Variants in SLC9B1 observed in about 807,000 individuals in gnomAD.
SLC9B1 encodes the protein solute carrier family 9 member B1, also known as sodium/hydrogen exchanger 9B1.
A neutral mutation model predicts 51.7 loss-of-function variants in SLC9B1; 32 were observed. The observed-to-expected ratio is 0.62, with a 90% CI of 0.47 to 0.83. SLC9B1 has a LOEUF of 0.83. Among genes scored for constraint, SLC9B1 ranks in the 40% least tolerant of loss-of-function variants. The probability of loss-of-function intolerance (pLI) is 0.00; values close to 1 mark genes in which losing one functional copy is unlikely to be tolerated. For missense variants in SLC9B1, 406 were observed against 613.2 expected (o/e 0.66, Z 3.57); for synonymous variants, 145 against 212.7 (o/e 0.68, Z 2.77).
intron 1 of SLC9B1, among the ~76,000 whole-genome samples, chr4:103,010,187 GA>G (rs1326689923): frequency 1.3e-5 from 2 of 152,010 alleles, no homozygotes; most frequent in African/African-American, 2.4e-5. Context: ...AATTTATAAT[GA>G]AAAAAATTTC....
chr4:102,885,203 T>C (rs760194746), exon 12 of SLC9B1: 12 of 1,606,014 alleles, frequency 7.5e-6, no homozygotes, highest in Non-Finnish European at 1.0e-5. Flanking sequence ...TTCTGACACA[T>C]CTACATGTTT....
intron 1 of SLC9B1, among the ~76,000 whole-genome samples, chr4:103,002,600 TTAAAAA>T (rs1740584134): frequency 6.6e-6 from 1 of 152,122 alleles, no homozygotes; most frequent in African/African-American, 2.4e-5. Flanking sequence ...TAAGAAAAAC[TTAAAAA>T]TAGAAAATAA....
At chr4:102,972,254 A>G (rs1738804268) in intron 3 of SLC9B1, among the ~76,000 whole-genome samples, 1 of 152,242 alleles carries the variant, frequency 6.6e-6, no homozygotes, top group Admixed American at 6.5e-5. Flanking sequence ...AAATACAGGC[A>G]AACCGAATCC....
At chr4:102,911,810 T>C (rs1735350943) in intron 7 of SLC9B1, among the ~76,000 whole-genome samples, 1 of 151,770 alleles carries the variant, frequency 6.6e-6, no homozygotes, top group African/African-American at 2.4e-5. Flanking sequence ...AAGCACAAGA[T>C]GCTCCCCTTA....
chr4:102,920,470 C>T (rs1054044871), intron 7 of SLC9B1, among the ~76,000 whole-genome samples: 5 of 152,154 alleles, frequency 3.3e-5, no homozygotes, highest in African/African-American at 1.2e-4. Flanking sequence ...AGCAGAAAAG[C>T]TGAAAATTCT....
intron 6 of SLC9B1, among the ~76,000 whole-genome samples, chr4:102,937,435 A>C (rs1578362169): frequency 6.7e-6 from 1 of 148,374 alleles, no homozygotes; most frequent in Non-Finnish European, 1.5e-5. Flanking sequence ...AAAAAAAAAA[A>C]AAAAAACTTG....
chr4:102,887,571 T>G, intron 11 of SLC9B1: 2 of 544,136 alleles, frequency 3.7e-6, no homozygotes, highest in Admixed American at 3.3e-5. Context: ...CTTTGTCTAT[T>G]CAGTCACTTA....
intron 3 of SLC9B1, among the ~76,000 whole-genome samples, chr4:102,987,272 A>G (rs764571440): frequency 1.2e-4 from 19 of 152,108 alleles, no homozygotes; most frequent in Non-Finnish European, 2.6e-4. Flanking sequence ...TTTTCCTTCA[A>G]CTATGTGGAA....
chr4:102,960,770 T>C (rs1738067639), intron 3 of SLC9B1, among the ~76,000 whole-genome samples: 1 of 151,658 alleles, frequency 6.6e-6, no homozygotes. Flanking sequence ...TTTGCTCTTG[T>C]TGCCCAGGCT....
intron 1 of SLC9B1, among the ~76,000 whole-genome samples, chr4:102,997,250 A>G (rs1401990219): frequency 1.3e-5 from 2 of 152,164 alleles, no homozygotes; most frequent in South Asian, 4.1e-4. Context: ...AGTTACATTG[A>G]ATCTATAGAT....
chr4:102,939,320 C>T (rs1231114739), intron 6 of SLC9B1, among the ~76,000 whole-genome samples: 2 of 149,548 alleles, frequency 1.3e-5, no homozygotes, highest in African/African-American at 4.9e-5. Context: ...ATACAACTTC[C>T]CAAGATTGAA....
chr4:102,962,927 T>C (rs1170213675), intron 3 of SLC9B1: 1 of 465,630 alleles, frequency 2.1e-6, no homozygotes, highest in Non-Finnish European at 4.4e-6. Context: ...TGAAATATTT[T>C]TTTACCCAGA....
chr4:102,926,564 A>G (rs1471259056), intron 7 of SLC9B1, among the ~76,000 whole-genome samples: 3 of 152,242 alleles, frequency 2.0e-5, no homozygotes, highest in Admixed American at 6.5e-5. Flanking sequence ...CTCTTCAAGG[A>G]GAACTACAAA....
At chr4:102,956,140 G>A (rs1263169364) in intron 3 of SLC9B1, among the ~76,000 whole-genome samples, 2 of 152,156 alleles carry the variant, frequency 1.3e-5, no homozygotes, top group Non-Finnish European at 2.9e-5. Context: ...CATTGCACAT[G>A]TGCTGTCAAA....
At chr4:102,932,341 A>G (rs1736501103) in intron 6 of SLC9B1, 42 bp from the exon 7 acceptor site, 1 of 1,534,348 alleles carries the variant, frequency 6.5e-7, no homozygotes, top group Non-Finnish European at 8.9e-7. Flanking sequence ...CATCTTTTAA[A>G]TCAAGTAGTG....
At chr4:103,005,957 A>T (rs1230274468) in intron 1 of SLC9B1, among the ~76,000 whole-genome samples, 1 of 152,152 alleles carries the variant, frequency 6.6e-6, no homozygotes, top group Non-Finnish European at 1.5e-5. Context: ...ATGCTAAGAG[A>T]AAAGTTTATA....
intron 3 of SLC9B1, among the ~76,000 whole-genome samples, chr4:102,974,242 GAAA>G (rs141412944): frequency 1.7e-3 from 93 of 53,452 alleles, no homozygotes; most frequent in African/African-American, 6.6e-3. Flanking sequence ...GTCTAAAATT[GAAA>G]AAAAAAAAAA....
chr4:102,886,017 T>C (rs1425008564), intron 11 of SLC9B1, among the ~76,000 whole-genome samples: 1 of 152,190 alleles, frequency 6.6e-6, no homozygotes, highest in Non-Finnish European at 1.5e-5. Context: ...TCATAGATTA[T>C]TTGAGGTTTT....
chr4:103,019,535 G>C (rs1214113843), intron 1 of SLC9B1, 64 bp downstream of exon 1: 10 of 974,644 alleles, frequency 1.0e-5, no homozygotes, highest in Non-Finnish European at 1.2e-5. Flanking sequence ...GGAAACGATC[G>C]CGGCAGACCC....
Sources: gnomAD v4.1 joint callset for allele counts (sites outside exome capture counted in the v4.1 genomes callset) on GRCh38, gnomAD v4.1.1 for gene constraint, MANE v1.5 for transcripts, NCBI Gene and HGNC (gene_info 2026-07-23, HGNC 2026-07-21) for gene names.